Variants in MYRIP observed in about 807,000 individuals in gnomAD.
MYRIP encodes myosin VIIA and Rab interacting protein.
Under a neutral mutation model 98.0 loss-of-function variants are expected in MYRIP, and 49 were observed. The observed-to-expected ratio is 0.50, with a 90% CI of 0.40 to 0.63. The LOEUF (loss-of-function observed/expected upper bound fraction) is 0.63, where lower values mean the gene tolerates loss of function less well. Among genes scored for constraint, MYRIP ranks in the 30% least tolerant of loss-of-function variants. MYRIP has a pLI of 0.00. For synonymous variants in MYRIP, 404 were observed against 409.5 expected, an observed-to-expected ratio of 0.99 and a Z score of 0.16; for missense variants, 1,004 against 1,058.2, an observed-to-expected ratio of 0.95 and a Z score of 0.71.
intron 4 of MYRIP, among the ~76,000 whole-genome samples, chr3:40,156,535 A>C (rs1322244313): frequency 2.9e-4 from 44 of 151,912 alleles, no homozygotes; most frequent in South Asian, 1.5e-3. Flanking sequence ...TGAAGAAAGT[A>C]ATTGGTAGCT....
At chr3:40,195,765 T>C (rs919264190) in intron 10 of MYRIP, among the ~76,000 whole-genome samples, 20 of 152,178 alleles carry the variant, frequency 1.3e-4, no homozygotes, top group African/African-American at 4.3e-4. Context: ...TTCAGTTTGG[T>C]ATCAGGTGAT....
chr3:40,115,759 C>T lies in MYRIP; in HGVS notation c.333-35289C>T, dbSNP rs193185283. ...TCACTCAAAAAGCTAGACTCAGGAACAAACTTGGAGATTCCCAGTCCCTGG... is the reference window on the plus strand; with the variant it reads ...TCACTCAAAAAGCTAGACTCAGGAATAAACTTGGAGATTCCCAGTCCCTGG... On this transcript the variant is annotated intron_variant, in intron 3 of 16. Transcript: ENST00000302541. Among the ~76,000 whole-genome samples, 708 of 151,244 alleles carry T rather than the reference C, an allele frequency of 4.7e-3. 9 individuals are homozygous for T. The highest frequency in any genetic ancestry group is 0.01 in the Middle Eastern group (3 of 286).
At chr3:39,830,939 C>T (rs1272637391) in intron 1 of MYRIP, among the ~76,000 whole-genome samples, 1 of 152,194 alleles carries the variant, frequency 6.6e-6, no homozygotes, top group Non-Finnish European at 1.5e-5. Context: ...GTTTCATCAA[C>T]TTCACCGGAA....
intron 1 of MYRIP, among the ~76,000 whole-genome samples, chr3:39,833,674 A>G (rs1020866196): frequency 6.6e-6 from 1 of 152,214 alleles, no homozygotes; most frequent in Admixed American, 6.5e-5. Context: ...GACTGCACAG[A>G]TTCCACTGGT....
intron 2 of MYRIP, among the ~76,000 whole-genome samples, chr3:39,913,063 A>C (rs1237027420): frequency 6.6e-6 from 1 of 152,148 alleles, no homozygotes; most frequent in Non-Finnish European, 1.5e-5. Context: ...TACTGTGATA[A>C]ATTTATATAA....
chr3:39,946,799 G>A (rs1165324629), intron 2 of MYRIP, among the ~76,000 whole-genome samples: 3 of 152,152 alleles, frequency 2.0e-5, no homozygotes, highest in Non-Finnish European at 4.4e-5. Flanking sequence ...ATGACCCATG[G>A]AAACTGAGGG....
chr3:39,955,760 A>T (rs1198805253), intron 2 of MYRIP, among the ~76,000 whole-genome samples: 2 of 152,214 alleles, frequency 1.3e-5, no homozygotes, highest in South Asian at 2.1e-4. Flanking sequence ...AAGACCCATC[A>T]GTGTGCTATA....
chr3:39,978,550 G>A (rs1220846754), intron 2 of MYRIP, among the ~76,000 whole-genome samples: 1 of 152,146 alleles, frequency 6.6e-6, no homozygotes, highest in Non-Finnish European at 1.5e-5. Context: ...TGGACTTTAT[G>A]TTCCACCCAG....
intron 1 of MYRIP, among the ~76,000 whole-genome samples, chr3:39,892,961 C>T (rs1263547084): frequency 6.6e-6 from 1 of 152,136 alleles, no homozygotes; most frequent in Non-Finnish European, 1.5e-5. Context: ...GGGACACATC[C>T]CCTTTGTGTT....
chr3:39,957,016 C>G (rs1436440972), intron 2 of MYRIP, among the ~76,000 whole-genome samples: 1 of 151,844 alleles, frequency 6.6e-6, no homozygotes, highest in Non-Finnish European at 1.5e-5. Context: ...ATAACAGGCT[C>G]TGTAATTCAG....
chr3:40,006,337 C>T (rs961738272), intron 2 of MYRIP, among the ~76,000 whole-genome samples: 4 of 151,934 alleles, frequency 2.6e-5, no homozygotes, highest in East Asian at 1.9e-4. Flanking sequence ...TGCAGTAAGC[C>T]GAGACTGCGC....
At chr3:39,839,483 C>T (rs940856907) in intron 1 of MYRIP, among the ~76,000 whole-genome samples, 3 of 152,152 alleles carry the variant, frequency 2.0e-5, no homozygotes, top group East Asian at 3.9e-4. Context: ...GTCTCAAACT[C>T]CTGACCTCAC....
At position 40,102,690 on chromosome 3, in the gene MYRIP, G is replaced by T. The variant is rs368347158; in HGVS notation, c.333-48358G>T. 6.6e-5 allele frequency among the ~76,000 whole-genome samples: 10 copies of T among 152,022 alleles called. No homozygotes were observed. In the East Asian group the frequency reaches 1.9e-3, roughly 30 times the overall value. On this transcript the variant is annotated intron_variant, in intron 3 of 16. Transcript: ENST00000302541. ...TGGTACAAGATGTGATTTCTCTGTA[G>T]CAGCCGGGAGTGTCACCTCTGGCAT... is the stretch of plus-strand genomic sequence containing the variant.
At chr3:39,889,719 G>A (rs112243180) in intron 1 of MYRIP, among the ~76,000 whole-genome samples, 2,793 of 151,978 alleles carry the variant, frequency 0.018, 83 homozygotes, top group African/African-American at 0.064. Flanking sequence ...ATTTGACTTT[G>A]CTTATAATGT....
chr3:40,131,523 C>T (rs1313361182), intron 3 of MYRIP, among the ~76,000 whole-genome samples: 1 of 152,130 alleles, frequency 6.6e-6, no homozygotes, highest in Non-Finnish European at 1.5e-5. Context: ...GAGCTCCCAT[C>T]GTATTCTCTC....
At position 40,084,007 on chromosome 3, in the gene MYRIP, G is replaced by A. The variant is rs187285887; in HGVS notation, c.332+39736G>A. Among the ~76,000 whole-genome samples the A allele has an allele frequency of 2.2e-3, 327 of 151,480 alleles. 3 individuals carry two copies. Among genetic ancestry groups the A allele is most frequent in the African/African-American group, 7.7e-3 (317 of 41,262 alleles). The stretch of plus-strand genomic sequence containing the variant: ...AAAAAATTAGCCGGGTGTGGTGGCA[G>A]GCGTCTGTAGTCCCAGCTACTCAGG... On this transcript the variant is annotated intron_variant, in intron 3 of 16. Transcript: ENST00000302541.
Position 40,205,681 on chromosome 3 carries a change from T to C in MYRIP, c.1666-4173T>C, listed in dbSNP as rs185830161. ...TCCCTGCAAAAGCTCCTCAGGATTC[T>C]CCACTGAGTTCATAATCTTCTCTGT... On this transcript the variant is annotated intron_variant, in intron 10 of 16. Transcript: ENST00000302541. Among the ~76,000 whole-genome samples the C allele has an allele frequency of 2.2e-3, 342 of 152,252 alleles. 1 individual carries two copies. The highest frequency in any genetic ancestry group is 5.4e-3 in the Admixed American group (83 of 15,284).
chr3:39,984,725 C>T (rs558909037), intron 2 of MYRIP, among the ~76,000 whole-genome samples: 1 of 151,800 alleles, frequency 6.6e-6, no homozygotes, highest in Non-Finnish European at 1.5e-5. Flanking sequence ...GATTTATAGT[C>T]CTTTGGGTAT....
chr3:39,856,814 A>T (rs558240547), intron 1 of MYRIP, among the ~76,000 whole-genome samples: 3 of 152,242 alleles, frequency 2.0e-5, no homozygotes, highest in African/African-American at 7.2e-5. Flanking sequence ...GAGATAATTA[A>T]CTCCCCGATA....
Sources: gnomAD v4.1 joint callset for allele counts (sites outside exome capture counted in the v4.1 genomes callset) on GRCh38, gnomAD v4.1.1 for gene constraint, MANE v1.5 for transcripts, NCBI Gene and HGNC (gene_info 2026-07-23, HGNC 2026-07-21) for gene names.